The following TMEM132D variants were observed in gnomAD, a reference collection of about 807,000 sequenced individuals.
TMEM132D encodes the protein transmembrane protein 132D.
Under a neutral mutation model 62.3 loss-of-function variants are expected in TMEM132D, and 21 were observed. The observed-to-expected ratio is 0.34, with a 90% CI of 0.24 to 0.49. The LOEUF is 0.49. Among genes scored for constraint, TMEM132D ranks in the 20% least tolerant of loss-of-function variants. The pLI, the probability that TMEM132D is intolerant of heterozygous loss-of-function variation, is 0.99. For missense variants in TMEM132D, 1,346 were observed against 1,402.8 expected, an observed-to-expected ratio of 0.96 and a Z score of 0.65; for synonymous variants, 621 against 575.6, an observed-to-expected ratio of 1.08 and a Z score of -1.13.
intron 3 of TMEM132D, among the ~76,000 whole-genome samples, chr12:129,441,286 C>T (rs1872929421): frequency 6.6e-6 from 1 of 152,178 alleles, no homozygotes; most frequent in African/African-American, 2.4e-5. Context: ...TGCAAGGAGC[C>T]TTCTCCCAAG....
chr12:129,452,852 C>T (rs1433028373), intron 3 of TMEM132D, among the ~76,000 whole-genome samples: 1 of 152,124 alleles, frequency 6.6e-6, no homozygotes, highest in East Asian at 1.9e-4. Flanking sequence ...TAGTTTCTTT[C>T]GTAACATTTA....
chr12:129,787,593 A>C (rs1245021185), intron 1 of TMEM132D, among the ~76,000 whole-genome samples: 1 of 152,218 alleles, frequency 6.6e-6, no homozygotes, highest in Non-Finnish European at 1.5e-5. Flanking sequence ...TATCCATTTC[A>C]AGAAGGGCCA....
chr12:129,098,700 C>T (rs1875192697), intron 5 of TMEM132D, among the ~76,000 whole-genome samples: 2 of 152,192 alleles, frequency 1.3e-5, no homozygotes, highest in African/African-American at 2.4e-5. Flanking sequence ...CTCACGTCCT[C>T]GCCAAAGTGA....
intron 3 of TMEM132D, among the ~76,000 whole-genome samples, chr12:129,414,439 C>G (rs972036589): frequency 3.9e-5 from 6 of 152,172 alleles, no homozygotes; most frequent in African/African-American, 1.4e-4. Context: ...GAGGCCATTT[C>G]CCCCAGCTTT....
intron 3 of TMEM132D, among the ~76,000 whole-genome samples, chr12:129,358,609 TTAAA>T (rs1870150565): frequency 6.6e-6 from 1 of 152,104 alleles, no homozygotes. Flanking sequence ...GAGGTGGACA[TTAAA>T]TAAACAATCA....
intron 2 of TMEM132D, among the ~76,000 whole-genome samples, chr12:129,682,081 G>A (rs1204390876): frequency 6.6e-6 from 1 of 152,146 alleles, no homozygotes; most frequent in Non-Finnish European, 1.5e-5. Flanking sequence ...TTTGACCATG[G>A]TCCTCTTTTT....
intron 2 of TMEM132D, among the ~76,000 whole-genome samples, chr12:129,546,668 G>T (rs1876745528): frequency 6.6e-6 from 1 of 152,064 alleles, no homozygotes; most frequent in Non-Finnish European, 1.5e-5. Flanking sequence ...AGGCGTGGTG[G>T]CATACACCTG....
intron 1 of TMEM132D, among the ~76,000 whole-genome samples, chr12:129,762,485 G>C (rs373124337): frequency 6.6e-6 from 1 of 152,198 alleles, no homozygotes; most frequent in African/African-American, 2.4e-5. Flanking sequence ...CCTGTTCTGT[G>C]TAGGTGTTTT....
In TMEM132D at chr12:129,337,646, C is replaced by T. The variant is rs781354205; in HGVS notation, c.1287G>A (p.Val429=). ...GGGGCTTGCTTACCATAGCCAGCGG[C>T]ACAACTCCAATCAAGTCCTTTGGGC... ...YVSPKDLIGV[V]PLAMEAEILN... Residue 429 remains valine (V), a synonymous_variant, in exon 4 of 9, where the codon GTG becomes GTA. Transcript: ENST00000422113. The T allele has an allele frequency of 6.2e-7, 1 of 1,614,006 alleles. No individual in the cohort carries two copies. The highest frequency in any genetic ancestry group is 1.1e-5 in the South Asian group (1 of 91,014).
chr12:129,549,317 T>G (rs1395263321), intron 2 of TMEM132D, among the ~76,000 whole-genome samples: 1 of 150,852 alleles, frequency 6.6e-6, no homozygotes, highest in Non-Finnish European at 1.5e-5. Flanking sequence ...CCTGATATGG[T>G]TTAGCTGTGT....
chr12:129,723,651 C>A (rs1056928310), intron 1 of TMEM132D, among the ~76,000 whole-genome samples: 1 of 152,224 alleles, frequency 6.6e-6, no homozygotes, highest in African/African-American at 2.4e-5. Context: ...CTTGTCCCGA[C>A]CCTTGCTCAC....
chr12:129,194,325 C>A (rs1878488011), intron 5 of TMEM132D, among the ~76,000 whole-genome samples: 1 of 152,172 alleles, frequency 6.6e-6, no homozygotes. Flanking sequence ...CTGACAGAGC[C>A]ATCTGAATAC....
At chr12:129,099,578 A>G (rs990327670) in intron 5 of TMEM132D, among the ~76,000 whole-genome samples, 1 of 152,202 alleles carries the variant, frequency 6.6e-6, no homozygotes, top group African/African-American at 2.4e-5. Flanking sequence ...CCTTCAGCCC[A>G]CCAACAGCAA....
Position 129,822,047 on chromosome 12 carries a change from G to C in TMEM132D, c.79+81214C>G, listed in dbSNP as rs148796560. Among the ~76,000 whole-genome samples the C allele has an allele frequency of 4.4e-4, 67 of 152,272 alleles. 1 individual carries two copies. The highest frequency in any genetic ancestry group is 1.4e-3 in the African/African-American group (58 of 41,554). ...GTACTCATGGAGCAAATTCACTGGGGGGTGACAGGAAATAAATACATCAGA... is the reference window on the plus strand; with the variant it reads ...GTACTCATGGAGCAAATTCACTGGGCGGTGACAGGAAATAAATACATCAGA... On this transcript the variant is annotated intron_variant, in intron 1 of 8. Coordinates refer to ENST00000422113, the MANE Select transcript of TMEM132D (RefSeq NM_133448.3).
At chr12:129,505,399 T>C (rs12309718) in intron 3 of TMEM132D, among the ~76,000 whole-genome samples, 33,665 of 151,848 alleles carry the variant, frequency 0.22, 3,784 homozygotes, top group Middle Eastern at 0.31. Flanking sequence ...CCTGCCACCA[T>C]GCCCGGCTAA....
At chr12:129,393,928 G>A (rs1469367543) in intron 3 of TMEM132D, among the ~76,000 whole-genome samples, 1 of 152,064 alleles carries the variant, frequency 6.6e-6, no homozygotes, top group East Asian at 1.9e-4. Flanking sequence ...CATCTCTCAG[G>A]CTTCTCAGAA....
chr12:129,408,097 G>A (rs1871851338), intron 3 of TMEM132D, among the ~76,000 whole-genome samples: 1 of 151,954 alleles, frequency 6.6e-6, no homozygotes, highest in African/African-American at 2.4e-5. Flanking sequence ...TCCCCCCTCT[G>A]GTTTAATATT....
At chr12:129,715,283 G>A (rs755697240) in intron 1 of TMEM132D, among the ~76,000 whole-genome samples, 12 of 152,082 alleles carry the variant, frequency 7.9e-5, no homozygotes, top group Non-Finnish European at 1.3e-4. Flanking sequence ...ATCACACAAC[G>A]GAAATGATAC....
intron 2 of TMEM132D, among the ~76,000 whole-genome samples, chr12:129,686,436 T>C (rs1880921400): frequency 6.6e-6 from 1 of 152,150 alleles, no homozygotes; most frequent in Non-Finnish European, 1.5e-5. Flanking sequence ...AAGGATGTGT[T>C]TGCTTCCCCT....
Sources: gnomAD v4.1 joint callset for allele counts (sites outside exome capture counted in the v4.1 genomes callset) on GRCh38, gnomAD v4.1.1 for gene constraint, MANE v1.5 for transcripts, NCBI Gene and HGNC (gene_info 2026-07-23, HGNC 2026-07-21) for gene names.